ERCC6: variants seen among roughly 807,000 people sequenced by gnomAD.
The protein encoded by ERCC6 is ERCC excision repair 6, chromatin remodeling factor, also known as DNA excision repair protein ERCC-6.
In ERCC6, 116 loss-of-function variants were observed where a neutral mutation model predicts 158.7. The ratio of observed to expected loss-of-function variants is 0.73; its 90% CI spans 0.63 to 0.85. ERCC6 has a LOEUF of 0.85. ERCC6 is among the 40% of genes least tolerant of loss of function. ERCC6 has a pLI of 0.00. For missense variants in ERCC6, 1,698 were observed against 1,799.4 expected (o/e 0.94, Z 1.02); for synonymous variants, 678 against 659.3 (o/e 1.03, Z -0.43).
the ERCC6 span, among the ~76,000 whole-genome samples, chr10:49,439,191 G>T: frequency 2.0e-5 from 3 of 152,242 alleles, no homozygotes; most frequent in Non-Finnish European, 4.4e-5. Context: ...CCCTAGCAAA[G>T]GTTCTCCATG....
At position 49,459,070 on chromosome 10, in the gene ERCC6, G is replaced by A. The variant is rs758587727; in HGVS notation, c.4227C>T (p.Ser1409=). Reference sequence around the variant, plus strand: ...GGGCAGAAGCTTCCTGCAGGTGCCCGCTTTCACTTTCTAAACGCTCTGGCA... The same window carrying A: ...GGGCAGAAGCTTCCTGCAGGTGCCCACTTTCACTTTCTAAACGCTCTGGCA... ...LILPERLESE[S]GHLQEASALL... The change falls in exon 21 of 21, where the codon AGC becomes AGT. Residue 1409 remains serine, a synonymous_variant. Transcript: ENST00000355832. 2.9e-5 allele frequency: 47 copies of A among 1,614,032 alleles called. No homozygotes were observed. The highest frequency in any genetic ancestry group is 3.7e-5 in the Non-Finnish European group (44 of 1,180,042).
At chr10:49,491,972 T>C (rs1244639807) in intron 8 of ERCC6, among the ~76,000 whole-genome samples, 1 of 152,260 alleles carries the variant, frequency 6.6e-6, no homozygotes, top group African/African-American at 2.4e-5. Flanking sequence ...ATTATCTTCA[T>C]ACTGCTAAAA....
intron 11 of ERCC6, among the ~76,000 whole-genome samples, chr10:49,477,416 C>A (rs570116131): frequency 3.3e-5 from 5 of 152,208 alleles, no homozygotes; most frequent in Admixed American, 3.3e-4. Context: ...AAGATGGGGG[C>A]ATTCCTGAGA....
In ERCC6 at chr10:49,494,196, C is replaced by T. The variant is rs1368941573; in HGVS notation, c.1686-944G>A. ...CAACTCTGCACACATTGTATGATCT[C>T]GGGCACACCATTTAACCTCTGGGAA... On this transcript the variant is annotated intron_variant, in intron 7 of 20. Coordinates refer to ENST00000355832, the MANE Select transcript of ERCC6 (RefSeq NM_000124.4). 5.3e-5 allele frequency among the ~76,000 whole-genome samples: 8 copies of T among 152,236 alleles called. No individual in the cohort carries two copies. In the South Asian group the frequency reaches 1.2e-3, roughly 24 times the overall value.
intron 4 of ERCC6, among the ~76,000 whole-genome samples, chr10:49,528,096 T>C (rs1837383007): frequency 6.6e-6 from 1 of 152,260 alleles, no homozygotes; most frequent in Non-Finnish European, 1.5e-5. Flanking sequence ...GCTTCCAACA[T>C]GTAATTTAAT....
chr10:49,493,271 G>A lies in ERCC6; in HGVS notation c.1686-19C>T, dbSNP rs1284263160. On this transcript the variant is annotated intron_variant, in intron 7 of 20. Transcript: ENST00000355832. ...CTCAAACCTGCATCCAAACGTCCAAGAAGAAAACAACCATGAAAGAGCATA... is the reference window on the plus strand; with the variant it reads ...CTCAAACCTGCATCCAAACGTCCAAAAAGAAAACAACCATGAAAGAGCATA... 1.2e-6 allele frequency: 2 copies of A among 1,613,734 alleles called. No homozygotes were observed. Among genetic ancestry groups the A allele is most frequent in the East Asian group, 4.5e-5 (2 of 44,850 alleles).
At chr10:49,509,283 C>A (rs1851496715) in intron 5 of ERCC6, among the ~76,000 whole-genome samples, 1 of 152,170 alleles carries the variant, frequency 6.6e-6, no homozygotes, top group Non-Finnish European at 1.5e-5. Flanking sequence ...TTATATAAAA[C>A]CACATACATT....
the ERCC6 span, among the ~76,000 whole-genome samples, chr10:49,440,940 T>G: frequency 6.6e-6 from 1 of 152,158 alleles, no homozygotes; most frequent in Non-Finnish European, 1.5e-5. Flanking sequence ...GGAGGTGGTA[T>G]GAGAGGTGGC....
chr10:49,502,296 C>T (rs572030417), intron 6 of ERCC6: 39 of 152,226 alleles, frequency 2.6e-4, no homozygotes, highest in African/African-American at 8.4e-4. Context: ...ATTAAGTTTG[C>T]TAATTATAAT....
rs1439930499 is a variant in ERCC6 at position 49,470,409 on chromosome 10, T to C, written c.3551A>G (p.Lys1184Arg). The C allele has an allele frequency of 6.2e-7, 1 of 1,614,206 alleles. No individual in the cohort carries two copies. The highest frequency in any genetic ancestry group is 8.5e-7 in the Non-Finnish European group (1 of 1,180,024). The change falls in exon 18 of 21, where the codon AAA (lysine) becomes AGA (arginine). Residue 1184 changes from lysine (K) to arginine (R), a missense_variant. Coordinates refer to ENST00000355832, the MANE Select transcript of ERCC6 (RefSeq NM_000124.4). ...TTCTGCCACACTATGATGTTTTGTT[T>C]TTGACTTGTGCTTATAAAAATTATT... ...MENNFYKHKS[K>R]TKHHSVAEEE...
At chr10:49,506,526 C>T (rs1258942448) in intron 5 of ERCC6, 4 of 160,120 alleles carry the variant, frequency 2.5e-5, no homozygotes, top group Non-Finnish European at 5.5e-5. Context: ...GTTCACATTA[C>T]TGATTACTTA....
chr10:49,448,020 T>C, the ERCC6 span, among the ~76,000 whole-genome samples: 1 of 152,184 alleles, frequency 6.6e-6, no homozygotes, highest in Non-Finnish European at 1.5e-5. Context: ...AAGTATTTGT[T>C]TGAGCACCAG....
Position 49,483,366 on chromosome 10 carries a change from C to A in ERCC6, c.1972G>T (p.Val658Phe). The change falls in exon 9 of 21, where the codon GTC (valine) becomes TTC (phenylalanine). Residue 658 changes from valine (V) to phenylalanine (F), a missense_variant. Physicochemically the swap from Val to Phe is conservative, Grantham distance 50. Transcript: ENST00000355832. ...GHKIRNPNAA[V>F]TLACKQFRTP... ...CATACCTGTTTGCAAGCAAGGGTGA[C>A]AGCAGCATTTGGATTTCGAATTTTG... The A allele has an allele frequency of 6.2e-7, 1 of 1,614,154 alleles. No homozygotes were observed. The highest frequency in any genetic ancestry group is 8.5e-7 in the Non-Finnish European group (1 of 1,180,014).
the ERCC6 span, among the ~76,000 whole-genome samples, chr10:49,441,598 A>ACAG: frequency 1.3e-5 from 2 of 150,620 alleles, no homozygotes; most frequent in Admixed American, 6.6e-5. Context: ...TGATTTCTTA[A>ACAG]CAAAGCGTGC....
intron 8 of ERCC6, among the ~76,000 whole-genome samples, chr10:49,485,390 A>T (rs1851059662): frequency 1.3e-5 from 2 of 152,248 alleles, no homozygotes; most frequent in Non-Finnish European, 2.9e-5. Flanking sequence ...AAAGTTTAAA[A>T]AGAAGATTGT....
downstream of ERCC6, among the ~76,000 whole-genome samples, chr10:49,451,182 T>G (rs946911317): frequency 1.3e-5 from 2 of 151,124 alleles, no homozygotes; most frequent in African/African-American, 4.8e-5. Context: ...CAATAGTTTT[T>G]TTTTTTTTTT....
intron 4 of ERCC6, 84 bp downstream of exon 4, chr10:49,528,333 A>G: frequency 6.5e-7 from 1 of 1,528,042 alleles, no homozygotes; most frequent in Non-Finnish European, 9.1e-7. Context: ...AAACCCAGGC[A>G]AAGACTAAAG....
At chr10:49,462,497 T>TAA (rs779092544) in intron 18 of ERCC6, among the ~76,000 whole-genome samples, 1 of 150,126 alleles carries the variant, frequency 6.7e-6, no homozygotes, top group Non-Finnish European at 1.5e-5. Flanking sequence ...GACAATTTTT[T>TAA]TAAAAAAAAA....
At chr10:49,463,844 T>TGTGAG (rs1408842467) in intron 18 of ERCC6, among the ~76,000 whole-genome samples, 1 of 152,232 alleles carries the variant, frequency 6.6e-6, no homozygotes, top group Non-Finnish European at 1.5e-5. Flanking sequence ...CTGACATGAC[T>TGTGAG]GTGAGGCCTC....
Sources: gnomAD v4.1 joint callset for allele counts (sites outside exome capture counted in the v4.1 genomes callset) on GRCh38, gnomAD v4.1.1 for gene constraint, MANE v1.5 for transcripts, NCBI Gene and HGNC (gene_info 2026-07-23, HGNC 2026-07-21) for gene names.